XPO6: variants seen among roughly 807,000 people sequenced by gnomAD.
The protein encoded by XPO6 is exportin 6.
Under a neutral mutation model 130.0 loss-of-function variants are expected in XPO6, and 3 were observed. The ratio of observed to expected loss-of-function variants is 0.02; its 90% CI spans 0.01 to 0.06. The LOEUF (loss-of-function observed/expected upper bound fraction) is 0.06, where lower values mean the gene tolerates loss of function less well. Ranked by LOEUF, XPO6 falls within the 10% of genes least tolerant of loss-of-function variation. The pLI, the probability that XPO6 is intolerant of heterozygous loss-of-function variation, is 1.00. For synonymous variants in XPO6, 524 were observed against 548.9 expected (o/e 0.95, Z 0.63); for missense variants, 970 against 1,393.0 (o/e 0.70, Z 4.83).
intron 4 of XPO6, 150 bp from the exon 5 acceptor site, chr16:28,170,059 C>A: frequency 1.9e-6 from 2 of 1,073,224 alleles, no homozygotes; most frequent in Non-Finnish European, 2.6e-6. Context: ...GAGGCCAGCT[C>A]CAATGGCTCA....
At chr16:28,136,556 C>T (rs2042781794) in intron 9 of XPO6, among the ~76,000 whole-genome samples, 1 of 152,174 alleles carries the variant, frequency 6.6e-6, no homozygotes. Flanking sequence ...ACTCCCAAAA[C>T]CTAATCTTTA....
intron 13 of XPO6, among the ~76,000 whole-genome samples, chr16:28,122,376 C>T (rs766885466): frequency 1.3e-5 from 2 of 152,106 alleles, no homozygotes; most frequent in Non-Finnish European, 2.9e-5. Flanking sequence ...AATCCCAGCA[C>T]TTTGGGAGGC....
At chr16:28,103,625 A>G (rs969055780) in intron 21 of XPO6, among the ~76,000 whole-genome samples, 9 of 152,204 alleles carry the variant, frequency 5.9e-5, no homozygotes, top group Admixed American at 4.6e-4. Flanking sequence ...CCAGCGTGCC[A>G]AAGAAGTCTT....
chr16:28,115,163 T>A (rs1378192445), intron 15 of XPO6, among the ~76,000 whole-genome samples: 1 of 152,236 alleles, frequency 6.6e-6, no homozygotes, highest in Non-Finnish European at 1.5e-5. Flanking sequence ...TCTGCTTCCA[T>A]GAATCATGAA....
At chr16:28,169,148 G>A (rs538086812) in intron 5 of XPO6, among the ~76,000 whole-genome samples, 1 of 152,320 alleles carries the variant, frequency 6.6e-6, no homozygotes, top group East Asian at 1.9e-4. Flanking sequence ...CTAGCAAACA[G>A]GTATCACAGC....
At chr16:28,113,715 TA>T (rs2086986564) in intron 15 of XPO6, among the ~76,000 whole-genome samples, 1 of 152,148 alleles carries the variant, frequency 6.6e-6, no homozygotes, top group Admixed American at 6.5e-5. Flanking sequence ...CTATAACCTA[TA>T]ATACTTACTC....
intron 2 of XPO6, among the ~76,000 whole-genome samples, chr16:28,179,805 G>T (rs1167960426): frequency 2.0e-5 from 3 of 152,154 alleles, no homozygotes; most frequent in African/African-American, 7.2e-5. Flanking sequence ...GGTACAAAGA[G>T]AACTGAACTA....
rs567999611 is a variant in XPO6, at chr16:28,149,330, G to T, written c.1225-3127C>A. On this transcript the variant is annotated intron_variant, in intron 8 of 23. Coordinates refer to ENST00000304658, the MANE Select transcript of XPO6 (RefSeq NM_015171.4). ...TGCTACCTGGAGGCGCTGGCGGCAG[G>T]GCATTTACAGAAAAATGCAGGAAAA... Among the ~76,000 whole-genome samples, 81 of 152,218 alleles carry T rather than the reference G, an allele frequency of 5.3e-4. 1 individual carries two copies. In the South Asian group the frequency reaches 0.016, roughly 31 times the overall value.
In XPO6 at chr16:28,132,284, C is replaced by G. The variant is rs1283769813; in HGVS notation, c.1606+50G>C. 7.2e-7 allele frequency: 1 copy of G among 1,385,002 alleles called. No homozygotes were observed. The allele number at this position is 1,385,002 out of a possible 1,614,324, so 85.8% of individuals were successfully genotyped here. ...CGGCAGCAGTAATGAAATATCAGTC[C>G]GATGGTTTTTTGAATGTTTGGTTAA... On this transcript the variant is annotated intron_variant, in intron 12 of 23. Coordinates refer to ENST00000304658, the MANE Select transcript of XPO6 (RefSeq NM_015171.4). This position sits in a 1 kb window ranked among gnomAD's most constrained non-coding sequence, Gnocchi z 4.0.
intron 1 of XPO6, among the ~76,000 whole-genome samples, chr16:28,201,209 T>C (rs2043948382): frequency 6.6e-6 from 1 of 152,192 alleles, no homozygotes; most frequent in Admixed American, 6.5e-5. Context: ...TTATCTGAGC[T>C]TGCTGGTTGC....
chr16:28,117,294 G>C lies in XPO6; in HGVS notation c.2004+24C>G, dbSNP rs776674083. 12 of 1,612,922 alleles carry C rather than the reference G, an allele frequency of 7.4e-6. No homozygotes were observed. The South Asian group carries it at 1.2e-4, about 16-fold the overall frequency. On this transcript the variant is annotated intron_variant, in intron 15 of 23. Transcript: ENST00000304658. ...GGAGAGACAGAGAGTTAGATAAAAG[G>C]TGTAGGCTTTGCTGTTTCGAGACCT...
At chr16:28,134,290 C>T (rs910201451) in intron 10 of XPO6, among the ~76,000 whole-genome samples, 2 of 152,194 alleles carry the variant, frequency 1.3e-5, no homozygotes, top group African/African-American at 4.8e-5. Flanking sequence ...GACTCAGTGC[C>T]ACTCAGAATG....
At chr16:28,158,939 A>G (rs761361175) in intron 6 of XPO6, among the ~76,000 whole-genome samples, 9 of 152,206 alleles carry the variant, frequency 5.9e-5, no homozygotes, top group Non-Finnish European at 1.3e-4. Context: ...ATTTAAAACT[A>G]TAACAACAGG....
intron 10 of XPO6, among the ~76,000 whole-genome samples, chr16:28,134,714 A>G (rs1469857602): frequency 2.6e-5 from 4 of 152,242 alleles, no homozygotes; most frequent in African/African-American, 4.8e-5. Context: ...TTGTTTCCTT[A>G]AAGACATTTT....
chr16:28,117,268 A>T (rs1046699739), intron 15 of XPO6, 50 bp downstream of exon 15: 1 of 1,607,172 alleles, frequency 6.2e-7, no homozygotes, highest in African/African-American at 1.3e-5. Flanking sequence ...TAGGAACAGA[A>T]GGAGAGACAG....
intron 9 of XPO6, among the ~76,000 whole-genome samples, chr16:28,143,681 G>A (rs561902447): frequency 1.3e-5 from 2 of 152,050 alleles, no homozygotes; most frequent in African/African-American, 2.4e-5. Flanking sequence ...CTGTCGCCTA[G>A]GCTGGAGTCC....
rs568345326 is a variant in XPO6 at position 28,129,720 on chromosome 16, G to A, written c.1606+2614C>T. Among the ~76,000 whole-genome samples, 6 of 152,152 alleles carry A rather than the reference G, an allele frequency of 3.9e-5. No homozygotes were observed. The South Asian group carries it at 6.2e-4, about 16-fold the overall frequency. On this transcript the variant is annotated intron_variant, in intron 12 of 23. Transcript: ENST00000304658. ...CAAATCATAATCATAAATCATAAACGGACCCAAGCAGAACAAACAATTTAA... is the reference window on the plus strand; with the variant it reads ...CAAATCATAATCATAAATCATAAACAGACCCAAGCAGAACAAACAATTTAA...
chr16:28,180,809 C>T (rs1164311866), intron 2 of XPO6, 132 bp downstream of exon 2: 3 of 643,668 alleles, frequency 4.7e-6, no homozygotes, highest in Non-Finnish European at 7.5e-6. Flanking sequence ...GCCAACAGAA[C>T]CAGAGCGAAA....
intron 23 of XPO6, among the ~76,000 whole-genome samples, chr16:28,099,066 C>T (rs2086595153): frequency 6.6e-6 from 1 of 152,232 alleles, no homozygotes; most frequent in South Asian, 2.1e-4. Flanking sequence ...GCTGTGGTGA[C>T]AGCCCTCTTC....
Sources: gnomAD v4.1 joint callset for allele counts (sites outside exome capture counted in the v4.1 genomes callset) on GRCh38, gnomAD v4.1.1 for gene constraint, Gnocchi (gnomAD v3.1) non-coding constraint, MANE v1.5 for transcripts, NCBI Gene and HGNC (gene_info 2026-07-23, HGNC 2026-07-21) for gene names.